The following ADAMTS6 variants were observed in gnomAD, a reference collection of about 807,000 sequenced individuals.
The protein encoded by ADAMTS6 is A disintegrin and metalloproteinase with thrombospondin motifs 6.
In ADAMTS6, 23 loss-of-function variants were observed where a neutral mutation model predicts 144.3. The ratio of observed to expected loss-of-function variants is 0.16; its 90% CI spans 0.11 to 0.23. The LOEUF is 0.23. Among genes scored for constraint, ADAMTS6 ranks in the 10% least tolerant of loss-of-function variants. The probability of loss-of-function intolerance (pLI) is 1.00; values close to 1 mark genes in which losing one functional copy is unlikely to be tolerated. For synonymous variants in ADAMTS6, 444 were observed against 457.5 expected (o/e 0.97, Z 0.38); for missense variants, 999 against 1,379.6 (o/e 0.72, Z 4.37).
intron 3 of ADAMTS6, among the ~76,000 whole-genome samples, chr5:65,466,952 G>A (rs1015864925): frequency 6.6e-6 from 1 of 151,582 alleles, no homozygotes; most frequent in African/African-American, 2.4e-5. Flanking sequence ...TGACGCAGGA[G>A]AATGGCGTGG....
chr5:65,305,603 G>A (rs1561402135), intron 9 of ADAMTS6, among the ~76,000 whole-genome samples: 1 of 152,032 alleles, frequency 6.6e-6, no homozygotes. Flanking sequence ...GGCAAACCTC[G>A]GGCCCACCCC....
At chr5:65,206,778 AG>A (rs1458004460) in intron 20 of ADAMTS6, among the ~76,000 whole-genome samples, 3 of 151,844 alleles carry the variant, frequency 2.0e-5, no homozygotes, top group African/African-American at 7.3e-5. Flanking sequence ...CTCAAAAAAA[AG>A]AAAGACATAA....
At chr5:65,312,628 G>A (rs1317669358) in intron 9 of ADAMTS6, among the ~76,000 whole-genome samples, 1 of 152,032 alleles carries the variant, frequency 6.6e-6, no homozygotes, top group East Asian at 1.9e-4. Flanking sequence ...GTGCCTAGCA[G>A]AATCTAGGAC....
At position 65,398,569 on chromosome 5, in the gene ADAMTS6, A is replaced by G. The variant is rs574162278; in HGVS notation, c.1073+52906T>C. 6.2e-4 allele frequency among the ~76,000 whole-genome samples: 94 copies of G among 151,922 alleles called. 2 individuals carry two copies. In the South Asian group the frequency reaches 9.0e-3, roughly 14 times the overall value. ...GCAAAACCTTATCTCTACTAAAAATAAAAAAAACTAGCTAGGCATGGCAGC... is the reference window on the plus strand; with the variant it reads ...GCAAAACCTTATCTCTACTAAAAATGAAAAAAACTAGCTAGGCATGGCAGC... On this transcript the variant is annotated intron_variant, in intron 7 of 24. Coordinates refer to ENST00000381055, the MANE Select transcript of ADAMTS6 (RefSeq NM_197941.4).
At chr5:65,323,442 T>G (rs1457000147) in intron 9 of ADAMTS6, among the ~76,000 whole-genome samples, 3 of 152,024 alleles carry the variant, frequency 2.0e-5, no homozygotes, top group Non-Finnish European at 4.4e-5. Flanking sequence ...ACAAAGGACA[T>G]GAAATCATCA....
chr5:65,443,347 A>C (rs1001912630), intron 7 of ADAMTS6, among the ~76,000 whole-genome samples: 1 of 152,172 alleles, frequency 6.6e-6, no homozygotes, highest in African/African-American at 2.4e-5. Flanking sequence ...GGCCAGGCAC[A>C]GTGTGGCTCA....
chr5:65,251,052 C>G (rs1189852128), intron 14 of ADAMTS6: 2 of 152,170 alleles, frequency 1.3e-5, no homozygotes, highest in African/African-American at 4.8e-5. Flanking sequence ...AAAAATTGTT[C>G]AGAAAAACAG....
intron 7 of ADAMTS6, among the ~76,000 whole-genome samples, chr5:65,357,063 T>C (rs1370518905): frequency 6.6e-6 from 1 of 151,598 alleles, no homozygotes; most frequent in East Asian, 1.9e-4. Flanking sequence ...TGTCAAATAA[T>C]AAAAGCATAA....
chr5:65,375,216 T>C (rs569777665), intron 7 of ADAMTS6, among the ~76,000 whole-genome samples: 1 of 152,316 alleles, frequency 6.6e-6, no homozygotes, highest in East Asian at 1.9e-4. Flanking sequence ...GCTTCATGTC[T>C]AAAACACCAA....
In ADAMTS6 at chr5:65,404,590, A is replaced by G; in HGVS notation, c.1073+46885T>C. 1.3e-5 allele frequency among the ~76,000 whole-genome samples: 2 copies of G among 152,162 alleles called. 1 individual carries two copies. The highest frequency in any genetic ancestry group is 2.9e-5 in the Non-Finnish European group (2 of 68,010). Reference sequence around the variant, plus strand: ...TTCCAAGTCTTTGCTATTGTGAATAATGCCACAATAAACATACATGTGCAT... The same window carrying G: ...TTCCAAGTCTTTGCTATTGTGAATAGTGCCACAATAAACATACATGTGCAT... On this transcript the variant is annotated intron_variant, in intron 7 of 24. Coordinates refer to ENST00000381055, the MANE Select transcript of ADAMTS6 (RefSeq NM_197941.4).
At chr5:65,433,688 CCA>C (rs1757169476) in intron 7 of ADAMTS6, among the ~76,000 whole-genome samples, 1 of 152,038 alleles carries the variant, frequency 6.6e-6, no homozygotes, top group Admixed American at 6.6e-5. Context: ...CAAGTCAAAA[CCA>C]CAGTTAGGTA....
At chr5:65,283,801 T>C (rs1257286039) in intron 11 of ADAMTS6, among the ~76,000 whole-genome samples, 1 of 152,138 alleles carries the variant, frequency 6.6e-6, no homozygotes, top group Non-Finnish European at 1.5e-5. Context: ...TAATACCTAA[T>C]CTACAACCTT....
chr5:65,240,736 A>C (rs1240369892), intron 15 of ADAMTS6, among the ~76,000 whole-genome samples: 1 of 152,150 alleles, frequency 6.6e-6, no homozygotes, highest in Non-Finnish European at 1.5e-5. Flanking sequence ...TCCAGCCCCC[A>C]GTACCGAGAA....
At chr5:65,406,551 G>A (rs1754518221) in intron 7 of ADAMTS6, among the ~76,000 whole-genome samples, 1 of 152,080 alleles carries the variant, frequency 6.6e-6, no homozygotes. Context: ...CCGTTTGCCA[G>A]TATTTTATTG....
At chr5:65,200,141 T>C (rs1248062131) in intron 20 of ADAMTS6, among the ~76,000 whole-genome samples, 4 of 152,142 alleles carry the variant, frequency 2.6e-5, no homozygotes, top group Admixed American at 1.3e-4. Flanking sequence ...TGTACTATCT[T>C]CCTCCAACAG....
intron 7 of ADAMTS6, chr5:65,415,512 G>A (rs1409570643): frequency 3.5e-6 from 1 of 288,772 alleles, no homozygotes; most frequent in Non-Finnish European, 6.9e-6. Context: ...CAAGGCCTTG[G>A]ACTAGGAGTG....
At chr5:65,343,670 G>A (rs1475998021) in intron 7 of ADAMTS6, among the ~76,000 whole-genome samples, 1 of 151,896 alleles carries the variant, frequency 6.6e-6, no homozygotes, top group Non-Finnish European at 1.5e-5. Flanking sequence ...CAAAAGCACA[G>A]GCCACAAAAG....
At chr5:65,456,658 G>A (rs745715270) in intron 4 of ADAMTS6, among the ~76,000 whole-genome samples, 1 of 152,002 alleles carries the variant, frequency 6.6e-6, no homozygotes, top group Non-Finnish European at 1.5e-5. Context: ...TTGCATACGG[G>A]TACTAAATGA....
intron 24 of ADAMTS6, 108 bp downstream of exon 24, chr5:65,170,509 T>C: frequency 3.2e-6 from 4 of 1,259,304 alleles, no homozygotes; most frequent in Non-Finnish European, 3.2e-6. Flanking sequence ...TCACAAATGC[T>C]CTACTCAAAC....
Sources: gnomAD v4.1 joint callset for allele counts (sites outside exome capture counted in the v4.1 genomes callset) on GRCh38, gnomAD v4.1.1 for gene constraint, MANE v1.5 for transcripts, NCBI Gene and HGNC (gene_info 2026-07-23, HGNC 2026-07-21) for gene names.